EPHA6: variants seen among roughly 807,000 people sequenced by gnomAD.
EPHA6 encodes the protein ephrin type-A receptor 6.
Under a neutral mutation model 112.0 loss-of-function variants are expected in EPHA6, and 50 were observed. That is an observed-to-expected ratio of 0.45 (90% confidence interval 0.36 to 0.56). The LOEUF (loss-of-function observed/expected upper bound fraction) is 0.56. Ranked by LOEUF, EPHA6 falls within the 20% of genes least tolerant of loss-of-function variation. EPHA6 has a pLI of 0.00. For missense variants in EPHA6, 1,280 were observed against 1,417.4 expected, an observed-to-expected ratio of 0.90 and a Z score of 1.56; for synonymous variants, 529 against 490.7, an observed-to-expected ratio of 1.08 and a Z score of -1.03.
At chr3:97,274,504 A>T (rs1305272125) in intron 5 of EPHA6, among the ~76,000 whole-genome samples, 1 of 152,200 alleles carries the variant, frequency 6.6e-6, no homozygotes, top group Non-Finnish European at 1.5e-5. Flanking sequence ...CCCATACAAC[A>T]GCATGGTGGT....
At chr3:96,889,352 C>G (rs184982579) in intron 2 of EPHA6, among the ~76,000 whole-genome samples, 1 of 152,210 alleles carries the variant, frequency 6.6e-6, no homozygotes, top group East Asian at 1.9e-4. Context: ...AGTGCATTTT[C>G]CGACTGCTAA....
At chr3:97,550,447 T>C (rs903786129) in intron 11 of EPHA6, among the ~76,000 whole-genome samples, 5 of 152,214 alleles carry the variant, frequency 3.3e-5, no homozygotes, top group African/African-American at 4.8e-5. Flanking sequence ...ATCCCCATAT[T>C]AAAGTGGTGT....
intron 3 of EPHA6, among the ~76,000 whole-genome samples, chr3:97,187,688 G>GGAAAGAAAGAAA (rs71113853): frequency 0.021 from 2,223 of 108,004 alleles, 33 homozygotes; most frequent in East Asian, 0.052. Flanking sequence ...AAAGAAAGAA[G>GGAAAGAAAGAAA]GAAAGAAAGA....
At chr3:97,626,795 T>C (rs929015400) in intron 13 of EPHA6, among the ~76,000 whole-genome samples, 4 of 151,744 alleles carry the variant, frequency 2.6e-5, no homozygotes, top group African/African-American at 9.7e-5. Flanking sequence ...ACCACAGGAA[T>C]TGGCAAATGC....
At chr3:97,172,230 A>G (rs2076723039) in intron 3 of EPHA6, among the ~76,000 whole-genome samples, 1 of 152,024 alleles carries the variant, frequency 6.6e-6, no homozygotes, top group Admixed American at 6.6e-5. Context: ...TGTAGAAATA[A>G]TAACTATTAT....
At chr3:97,001,679 G>A (rs1464053002) in intron 3 of EPHA6, among the ~76,000 whole-genome samples, 1 of 151,900 alleles carries the variant, frequency 6.6e-6, no homozygotes, top group African/African-American at 2.4e-5. Context: ...ACTGGAAATG[G>A]TAGTCTCAGT....
intron 14 of EPHA6, among the ~76,000 whole-genome samples, chr3:97,676,462 G>T (rs1576265808): frequency 6.6e-6 from 1 of 152,180 alleles, no homozygotes; most frequent in East Asian, 1.9e-4. Context: ...AGGTTTAATT[G>T]GAATGGAAAA....
At chr3:96,905,980 T>A (rs564513979) in intron 2 of EPHA6, among the ~76,000 whole-genome samples, 41 of 152,206 alleles carry the variant, frequency 2.7e-4, no homozygotes, top group African/African-American at 9.6e-4. Flanking sequence ...GATTTGTACA[T>A]CAAATCTCAA....
intron 3 of EPHA6, among the ~76,000 whole-genome samples, chr3:97,082,220 A>C (rs2046743812): frequency 6.6e-6 from 1 of 151,886 alleles, no homozygotes; most frequent in Non-Finnish European, 1.5e-5. Context: ...CACATTTTGC[A>C]CTTTATTTGC....
chr3:97,027,650 A>G (rs147495608), intron 3 of EPHA6, among the ~76,000 whole-genome samples: 147 of 152,286 alleles, frequency 9.7e-4, no homozygotes, highest in African/African-American at 3.4e-3. Context: ...TCTGAAAATA[A>G]GTGAATCCAG....
chr3:97,722,253 T>C (rs1020929108), intron 15 of EPHA6, among the ~76,000 whole-genome samples: 1 of 152,228 alleles, frequency 6.6e-6, no homozygotes. Flanking sequence ...TTGCAGATTA[T>C]ATACAAGTAC....
At chr3:97,269,265 T>G (rs529751299) in intron 5 of EPHA6, among the ~76,000 whole-genome samples, 131 of 152,326 alleles carry the variant, frequency 8.6e-4, no homozygotes, top group Middle Eastern at 3.4e-3. Flanking sequence ...TTCTTCATTG[T>G]TCCCCTTGCT....
intron 3 of EPHA6, among the ~76,000 whole-genome samples, chr3:96,994,917 T>C (rs983415906): frequency 5.3e-5 from 8 of 151,876 alleles, no homozygotes; most frequent in Non-Finnish European, 8.8e-5. Context: ...ACTATTTGTC[T>C]ATGAAAATTA....
chr3:97,370,621 G>A (rs529980483), intron 5 of EPHA6, among the ~76,000 whole-genome samples: 2 of 152,234 alleles, frequency 1.3e-5, no homozygotes, highest in South Asian at 2.1e-4. Context: ...AGGAAAACAT[G>A]TAGTGGCTAT....
chr3:97,396,657 A>C (rs991122836), intron 5 of EPHA6, among the ~76,000 whole-genome samples: 1 of 151,606 alleles, frequency 6.6e-6, no homozygotes, highest in African/African-American at 2.4e-5. Context: ...TTAATATTAA[A>C]ATTTACCTTC....
intron 3 of EPHA6, among the ~76,000 whole-genome samples, chr3:97,196,734 C>T (rs546908717): frequency 2.3e-4 from 35 of 151,714 alleles, no homozygotes; most frequent in African/African-American, 8.0e-4. Context: ...CTTTCAGAAT[C>T]GTAGAAGTCC....
At chr3:97,325,436 A>G (rs569683818) in intron 5 of EPHA6, among the ~76,000 whole-genome samples, 121 of 152,242 alleles carry the variant, frequency 7.9e-4, no homozygotes, top group Admixed American at 7.2e-4. Flanking sequence ...TTATAAGGAC[A>G]GCAGTGACAT....
chr3:96,971,670 A>G (rs1448871266), intron 2 of EPHA6, among the ~76,000 whole-genome samples: 1 of 152,140 alleles, frequency 6.6e-6, no homozygotes, highest in Admixed American at 6.6e-5. Flanking sequence ...AATATTAGAT[A>G]CGTATGTTTA....
intron 2 of EPHA6, among the ~76,000 whole-genome samples, chr3:96,962,518 G>A (rs114842393): frequency 4.8e-5 from 7 of 146,164 alleles, no homozygotes; most frequent in African/African-American, 7.6e-5. Flanking sequence ...ACTTTTAGAC[G>A]GCCTAACTAG....
Sources: allele counts gnomAD v4.1 joint callset (sites outside exome capture counted in the v4.1 genomes callset), GRCh38; gene constraint gnomAD v4.1.1; transcripts MANE v1.5; gene names NCBI Gene and HGNC (gene_info 2026-07-23, HGNC 2026-07-21).